The following SYNCRIP variants were observed in gnomAD, a reference collection of about 807,000 sequenced individuals.
SYNCRIP encodes the protein synaptotagmin binding cytoplasmic RNA interacting protein.
Under a neutral mutation model 68.9 loss-of-function variants are expected in SYNCRIP, and 9 were observed. That is an observed-to-expected ratio of 0.13 (90% CI 0.08 to 0.23). The LOEUF is 0.23. Among genes scored for constraint, SYNCRIP ranks in the 10% least tolerant of loss-of-function variants. The pLI is 1.00. For synonymous variants in SYNCRIP, 258 were observed against 254.0 expected, an observed-to-expected ratio of 1.02 and a Z score of -0.15; for missense variants, 414 against 770.6, an observed-to-expected ratio of 0.54 and a Z score of 5.48.
rs1321029074 is a variant in SYNCRIP, at chr6:85,641,341, A to T, written c.99T>A (p.Ala33=). The T allele has an allele frequency of 1.8e-5, 29 of 1,612,386 alleles. No individual in the cohort carries two copies. Among genetic ancestry groups the T allele is most frequent in the Non-Finnish European group, 2.5e-5 (29 of 1,180,008 alleles). ...HSENFQTLLD[A]GLPQKVAEKL... ...TTTCAGCAACTTTCTGTGGTAAACC[A>T]GCATCAAGCAATGTCTGAAAATTTT... is the stretch of plus-strand genomic sequence containing the variant. Residue 33 remains alanine (A), a synonymous_variant, in exon 2 of 11, where the codon GCT becomes GCA. Transcript: ENST00000369622.
Position 85,635,667 on chromosome 6 carries a change from G to A in SYNCRIP, c.666+1300C>T, listed in dbSNP as rs1039927826. ...TGCCTGTAATCCCAGCTACCGGAGA[G>A]GCTGAGGCAGGAGAATCGCTTGAAC... On this transcript the variant is annotated intron_variant, in intron 6 of 10. Transcript: ENST00000369622. Among the ~76,000 whole-genome samples the A allele has an allele frequency of 6.6e-5, 10 of 151,440 alleles. No individual in the cohort carries two copies. In the East Asian group the frequency reaches 1.4e-3, roughly 21 times the overall value.
intron 10 of SYNCRIP, 72 bp downstream of exon 10, chr6:85,618,746 C>A: frequency 7.6e-7 from 1 of 1,316,404 alleles, no homozygotes; most frequent in South Asian, 1.4e-5. Context: ...GTCTGATCAA[C>A]ACCTGTTATT....
chr6:85,641,749 T>C (rs1809186395), intron 1 of SYNCRIP, among the ~76,000 whole-genome samples: 1 of 152,162 alleles, frequency 6.6e-6, no homozygotes, highest in African/African-American at 2.4e-5. Flanking sequence ...GCGTGCCACA[T>C]GCAGCTGTGC....
chr6:85,631,091 C>A (rs531628988), intron 6 of SYNCRIP, among the ~76,000 whole-genome samples: 257 of 152,182 alleles, frequency 1.7e-3, no homozygotes, highest in Middle Eastern at 3.4e-3. Flanking sequence ...GCCTGTAATC[C>A]CAGTACTTTG....
At chr6:85,639,370 T>C (rs189021051) in intron 4 of SYNCRIP, among the ~76,000 whole-genome samples, 1 of 152,360 alleles carries the variant, frequency 6.6e-6, no homozygotes, top group African/African-American at 2.4e-5. Context: ...ACTCCACTTT[T>C]ATGGAAAAAC....
intron 6 of SYNCRIP, among the ~76,000 whole-genome samples, chr6:85,629,598 C>A (rs1047519978): frequency 6.8e-6 from 1 of 147,322 alleles, no homozygotes; most frequent in African/African-American, 2.5e-5. Flanking sequence ...CCGATGTGGG[C>A]GGATCACGAG....
chr6:85,640,621 A>C, intron 2 of SYNCRIP, 57 bp from the exon 3 acceptor site: 1 of 1,139,522 alleles, frequency 8.8e-7, no homozygotes, highest in Non-Finnish European at 1.2e-6. Context: ...TTTTTAGAGA[A>C]GACTATGTTG....
At chr6:85,643,733 T>C (rs1053976384), upstream of SYNCRIP, 4 of 151,398 alleles carry the variant, frequency 2.6e-5, no homozygotes, top group African/African-American at 9.7e-5. Context: ...GACTGCCGCT[T>C]CCCGGAGGGC....
chr6:85,615,786 G>C (rs1049871118), intron 10 of SYNCRIP, among the ~76,000 whole-genome samples: 1 of 152,098 alleles, frequency 6.6e-6, no homozygotes, highest in Non-Finnish European at 1.5e-5. Context: ...CTCCAGCCTG[G>C]GTGACAGAGC....
Position 85,614,252 on chromosome 6 carries a change from G to A in SYNCRIP, c.*504C>T, listed in dbSNP as rs1209426927. ...GAATTTTTTATTGAAATAAACAACA[G>A]CATAAAGAATACAAGTAGCCAAAAT... On this transcript the variant is annotated 3_prime_UTR_variant, in exon 11 of 11. Transcript: ENST00000369622. The A allele has an allele frequency of 1.0e-5, 10 of 985,244 alleles. No homozygotes were observed. Among genetic ancestry groups the A allele is most frequent in the Non-Finnish European group, 1.2e-5 (10 of 829,368 alleles). The allele number at this position is 985,244 out of a possible 1,614,324, so 61.0% of individuals were successfully genotyped here.
In SYNCRIP at chr6:85,615,102, G is replaced by T; in HGVS notation, c.1526C>A (p.Ser509Tyr). The change falls in exon 11 of 11, where the codon TCC (serine) becomes TAC (tyrosine). Residue 509 changes from serine (S) to tyrosine (Y), a missense_variant. Ser to Tyr is a moderately radical substitution (Grantham distance 144). Around this residue, in one of 6 missense-constraint regions of SYNCRIP, gnomAD observed 72 missense variants for 119.8 expected, o/e 0.60. Transcript: ENST00000369622. ...GGGAGGAGCAGCCCCACGACCTCTG[G>T]ATGGAGCAGCACCCCTTGCTCCTCT... ...GGRGARGAAP[S>Y]RGRGAAPPRG... 1.9e-6 allele frequency: 3 copies of T among 1,614,084 alleles called. No homozygotes were observed. The highest frequency in any genetic ancestry group is 2.5e-6 in the Non-Finnish European group (3 of 1,180,026).
At chr6:85,636,551 T>TA (rs1336995796) in intron 6 of SYNCRIP, among the ~76,000 whole-genome samples, 5 of 152,204 alleles carry the variant, frequency 3.3e-5, no homozygotes, top group South Asian at 2.1e-4. Flanking sequence ...CCACTCACCA[T>TA]AAAATCTTTT....
At chr6:85,622,759 T>C in intron 7 of SYNCRIP, 72 bp from the exon 8 acceptor site, 1 of 1,149,120 alleles carries the variant, frequency 8.7e-7, no homozygotes, top group Non-Finnish European at 1.3e-6. Context: ...AAAGGATTTA[T>C]CTAAGATACT....
chr6:85,641,194 A>C (rs940340131), intron 2 of SYNCRIP, 98 bp downstream of exon 2: 61 of 942,588 alleles, frequency 6.5e-5, no homozygotes, highest in Admixed American at 1.7e-4. Flanking sequence ...TCCAGTACCC[A>C]CACTTATTGG....
intron 10 of SYNCRIP, among the ~76,000 whole-genome samples, chr6:85,618,149 A>AG (rs149243737): frequency 0.011 from 1,732 of 152,310 alleles, 31 homozygotes; most frequent in African/African-American, 0.039. Flanking sequence ...TATCTCTCAG[A>AG]GAAAAAACTC....
At chr6:85,635,692 C>T (rs1410041390) in intron 6 of SYNCRIP, among the ~76,000 whole-genome samples, 2 of 147,674 alleles carry the variant, frequency 1.4e-5, no homozygotes, top group East Asian at 4.0e-4. Context: ...ATCGCTTGAA[C>T]CTGGGAGGCG....
intron 7 of SYNCRIP, among the ~76,000 whole-genome samples, chr6:85,623,583 A>AAAAAAAAAACAAAAAAC (rs1562087872): frequency 6.9e-6 from 1 of 143,892 alleles, no homozygotes; most frequent in African/African-American, 2.5e-5. Flanking sequence ...AAAAAAAAAA[A>AAAAAAAAAACAAAAAAC]CACTCTGCTA....
intron 4 of SYNCRIP, 113 bp downstream of exon 4, chr6:85,640,108 G>C: frequency 1.4e-6 from 1 of 731,294 alleles, no homozygotes; most frequent in African/African-American, 1.8e-5. Context: ...AGGAAAGATT[G>C]ATGAATTATC....
chr6:85,636,319 G>A (rs971946791), intron 6 of SYNCRIP, among the ~76,000 whole-genome samples: 2 of 151,746 alleles, frequency 1.3e-5, no homozygotes, highest in Non-Finnish European at 2.9e-5. Context: ...GGTGGCAGGC[G>A]CCTATAATCC....
Sources: gnomAD v4.1 joint callset for allele counts (sites outside exome capture counted in the v4.1 genomes callset) on GRCh38, gnomAD v4.1.1 for gene constraint, gnomAD v4.1.1 regional missense constraint, MANE v1.5 for transcripts, NCBI Gene and HGNC (gene_info 2026-07-23, HGNC 2026-07-21) for gene names.